Variants in TIAM2 observed in about 807,000 individuals in gnomAD.
TIAM2 encodes the protein TIAM Rac1 associated GEF 2.
In TIAM2, 80 loss-of-function variants were observed where a neutral mutation model predicts 152.9. The ratio of observed to expected loss-of-function variants is 0.52; its 90% confidence interval spans 0.44 to 0.63. The LOEUF (loss-of-function observed/expected upper bound fraction) is 0.63, where lower values mean the gene tolerates loss of function less well. Among genes scored for constraint, TIAM2 ranks in the 30% least tolerant of loss-of-function variants. The probability of loss-of-function intolerance (pLI) is 0.00; values close to 1 mark genes in which losing one functional copy is unlikely to be tolerated. For missense variants in TIAM2, 1,965 were observed against 2,120.1 expected, an observed-to-expected ratio of 0.93 and a Z score of 1.44; for synonymous variants, 804 against 838.0, an observed-to-expected ratio of 0.96 and a Z score of 0.70.
intron 5 of TIAM2, among the ~76,000 whole-genome samples, chr6:155,141,791 G>A (rs1190025028): frequency 5.3e-5 from 8 of 152,144 alleles, no homozygotes; most frequent in African/African-American, 1.9e-4. Context: ...CCCTGAGATG[G>A]GCCAGCAGCA....
chr6:155,193,799 AAG>A (rs1781266736), intron 14 of TIAM2, among the ~76,000 whole-genome samples: 1 of 152,254 alleles, frequency 6.6e-6, no homozygotes, highest in Non-Finnish European at 1.5e-5. Context: ...TTTTAAATGT[AAG>A]AGTGTGGCAA....
chr6:155,013,256 C>A (rs1583149691), intron 1 of TIAM2, among the ~76,000 whole-genome samples: 1 of 152,050 alleles, frequency 6.6e-6, no homozygotes, highest in East Asian at 1.9e-4. Flanking sequence ...CATAGACGAT[C>A]CAGAAAGCAG....
chr6:155,248,399 T>A (rs995302080), intron 20 of TIAM2, among the ~76,000 whole-genome samples: 1 of 152,242 alleles, frequency 6.6e-6, no homozygotes, highest in Non-Finnish European at 1.5e-5. Flanking sequence ...TGGGTAGAAA[T>A]GATCTCATCC....
At chr6:155,000,807 A>G (rs139113412) in intron 1 of TIAM2, among the ~76,000 whole-genome samples, 2,175 of 152,268 alleles carry the variant, frequency 0.014, 31 homozygotes, top group Middle Eastern at 0.059. Flanking sequence ...AACATGGTGA[A>G]ACCCTGTCTC....
intron 10 of TIAM2, among the ~76,000 whole-genome samples, chr6:155,177,329 G>A (rs1302406239): frequency 2.0e-5 from 3 of 152,142 alleles, no homozygotes; most frequent in Admixed American, 2.0e-4. Flanking sequence ...AAACTTTGAG[G>A]TAATTTAATT....
intron 2 of TIAM2, among the ~76,000 whole-genome samples, chr6:155,107,506 T>C (rs755703909): frequency 3.9e-5 from 6 of 152,254 alleles, no homozygotes; most frequent in Non-Finnish European, 8.8e-5. Context: ...TGTTAAAGCA[T>C]TGATGACTAT....
chr6:155,160,959 C>T (rs9371869), intron 7 of TIAM2, among the ~76,000 whole-genome samples: 70,869 of 151,950 alleles, frequency 0.47, 17,010 homozygotes, highest in Middle Eastern at 0.55. Flanking sequence ...TAATAAGATA[C>T]AATCAAGACA....
At chr6:155,111,038 G>A (rs1778834916) in intron 2 of TIAM2, among the ~76,000 whole-genome samples, 1 of 152,126 alleles carries the variant, frequency 6.6e-6, no homozygotes, top group African/African-American at 2.4e-5. Flanking sequence ...GCTAAGGAGA[G>A]ACAGAGTTTG....
In TIAM2 at chr6:155,186,677, C is replaced by A. The variant is rs1781050315; in HGVS notation, c.3064+3177C>A. On this transcript the variant is annotated intron_variant, in intron 14 of 26. Coordinates refer to ENST00000682666, the MANE Select transcript of TIAM2 (RefSeq NM_012454.4). The surrounding 1 kb of genome is among the most constrained non-coding windows in gnomAD (Gnocchi z 4.5). ...CTGAAAACGTGCTTCTCCTCCTCCT[C>A]CCTCGCTTTTGCAGCTTCCTGTTTT... Among the ~76,000 whole-genome samples, 1 of 152,190 alleles carries A rather than the reference C, an allele frequency of 6.6e-6. No homozygotes were observed. Among genetic ancestry groups the A allele is most frequent in the Non-Finnish European group, 1.5e-5 (1 of 68,048 alleles).
chr6:155,145,027 T>C (rs1252694710), intron 6 of TIAM2, among the ~76,000 whole-genome samples: 2 of 152,106 alleles, frequency 1.3e-5, no homozygotes, highest in African/African-American at 2.4e-5. Flanking sequence ...GAGATGCTCA[T>C]TGGGACACAA....
chr6:155,101,782 C>T (rs887254721), intron 2 of TIAM2, among the ~76,000 whole-genome samples: 1 of 151,554 alleles, frequency 6.6e-6, no homozygotes, highest in Non-Finnish European at 1.5e-5. Context: ...GCAATCTCGG[C>T]TCACTGCAGC....
chr6:155,129,210 T>C lies in TIAM2; in HGVS notation c.-6-8T>C, dbSNP rs2115036736. ...ACGGTCTTACTGATGCAACTGTTCTTAATTTAGGTTAAAATGGGCAACTCC... is the reference window on the plus strand; with the variant it reads ...ACGGTCTTACTGATGCAACTGTTCTCAATTTAGGTTAAAATGGGCAACTCC... On this transcript the variant is annotated splice_polypyrimidine_tract_variant and splice_region_variant and intron_variant, in intron 3 of 26. Coordinates refer to ENST00000682666, the MANE Select transcript of TIAM2 (RefSeq NM_012454.4). The surrounding 1 kb of genome is among the most constrained non-coding windows in gnomAD (Gnocchi z 4.8). The C allele has an allele frequency of 6.2e-7, 1 of 1,608,268 alleles. No individual in the cohort carries two copies.
At chr6:155,114,930 C>G (rs1778975126) in intron 2 of TIAM2, among the ~76,000 whole-genome samples, 1 of 152,060 alleles carries the variant, frequency 6.6e-6, no homozygotes, top group Admixed American at 6.6e-5. Context: ...CAGGTTCACG[C>G]AATTCTCCTG....
chr6:155,131,575 T>C (rs1779445433), intron 4 of TIAM2, among the ~76,000 whole-genome samples: 1 of 151,794 alleles, frequency 6.6e-6, no homozygotes, highest in African/African-American at 2.4e-5. Context: ...ACATGTGTAA[T>C]CTTTTTTTTT....
At chr6:155,030,080 A>T in intron 1 of TIAM2, among the ~76,000 whole-genome samples, 1 of 152,182 alleles carries the variant, frequency 6.6e-6, no homozygotes, top group Non-Finnish European at 1.5e-5. Context: ...GGTGTGAGCC[A>T]CTGTGCCTTT....
intron 1 of TIAM2, among the ~76,000 whole-genome samples, chr6:155,075,298 A>G (rs1037325025): frequency 1.3e-5 from 2 of 152,064 alleles, no homozygotes; most frequent in African/African-American, 2.4e-5. Flanking sequence ...TTGTAGCTAG[A>G]TGACGATAAA....
chr6:155,008,200 T>C (rs1036554379), intron 1 of TIAM2, among the ~76,000 whole-genome samples: 1 of 152,208 alleles, frequency 6.6e-6, no homozygotes, highest in Non-Finnish European at 1.5e-5. Flanking sequence ...CTGTGTGTGA[T>C]AGATGATAAT....
chr6:155,012,176 TACAA>T (rs1226938603), intron 1 of TIAM2, among the ~76,000 whole-genome samples: 7 of 152,238 alleles, frequency 4.6e-5, no homozygotes, highest in Non-Finnish European at 5.9e-5. Context: ...GCCAGTTTAT[TACAA>T]ACAGTTTATG....
At chr6:155,002,243 T>C (rs80265808) in intron 1 of TIAM2, among the ~76,000 whole-genome samples, 8,796 of 152,074 alleles carry the variant, frequency 0.058, 758 homozygotes, top group African/African-American at 0.19. Flanking sequence ...ACCCTGTCTC[T>C]GTAAAAAAAA....
Sources: allele counts gnomAD v4.1 joint callset (sites outside exome capture counted in the v4.1 genomes callset), GRCh38; gene constraint gnomAD v4.1.1; non-coding constraint Gnocchi (gnomAD v3.1); transcripts MANE v1.5; gene names NCBI Gene and HGNC (gene_info 2026-07-23, HGNC 2026-07-21).